KCNIP3: variants seen among roughly 807,000 people sequenced by gnomAD.
KCNIP3 encodes the protein potassium voltage-gated channel interacting protein 3, also known as calsenilin.
In KCNIP3, 28 loss-of-function variants were observed where a neutral mutation model predicts 35.0. The observed-to-expected ratio is 0.80, with a 90% CI of 0.59 to 1.10. The LOEUF is 1.10. Ranked by LOEUF, KCNIP3 falls within the 50% of genes least tolerant of loss-of-function variation. KCNIP3 has a pLI of 0.00. For missense variants in KCNIP3, 295 were observed against 338.4 expected (o/e 0.87, Z 1.01); for synonymous variants, 134 against 133.8 (o/e 1.00, Z -0.01).
intron 2 of KCNIP3, among the ~76,000 whole-genome samples, chr2:95,359,328 G>C (rs575412404): frequency 4.9e-4 from 75 of 152,290 alleles, no homozygotes; most frequent in Middle Eastern, 6.8e-3. Context: ...GACAGTTGTG[G>C]GATAGACATT....
intron 1 of KCNIP3, 102 bp downstream of exon 1, chr2:95,297,555 C>A: frequency 1.1e-6 from 1 of 888,956 alleles, no homozygotes; most frequent in Non-Finnish European, 1.7e-6. Context: ...TTCTTTGACC[C>A]TTGTCCCCTC....
At chr2:95,374,184 T>C (rs1680112872) in intron 2 of KCNIP3, 112 bp from the exon 3 acceptor site, 1 of 1,353,272 alleles carries the variant, frequency 7.4e-7, no homozygotes, top group Non-Finnish European at 1.0e-6. Flanking sequence ...ATGGTAGTCA[T>C]GCAAAGAGAG....
chr2:95,324,260 C>T (rs1280679308), intron 2 of KCNIP3, among the ~76,000 whole-genome samples: 7 of 152,194 alleles, frequency 4.6e-5, no homozygotes, highest in African/African-American at 1.7e-4. Context: ...GCCTGTAATC[C>T]CAGCACTTTG....
chr2:95,325,199 G>C (rs1678705802), intron 2 of KCNIP3, among the ~76,000 whole-genome samples: 1 of 152,208 alleles, frequency 6.6e-6, no homozygotes. Context: ...GGCCCTCCCA[G>C]AGAGGGAAGG....
At chr2:95,300,632 G>A (rs569409714) in intron 1 of KCNIP3, among the ~76,000 whole-genome samples, 13 of 152,316 alleles carry the variant, frequency 8.5e-5, no homozygotes, top group South Asian at 2.1e-4. Flanking sequence ...CAGGGCTCCC[G>A]GCCTCAGCTG....
intron 2 of KCNIP3, among the ~76,000 whole-genome samples, chr2:95,319,313 C>T (rs1344538169): frequency 6.6e-6 from 1 of 152,168 alleles, no homozygotes; most frequent in Non-Finnish European, 1.5e-5. Flanking sequence ...GCCCAGGGTT[C>T]CTGGGCCTTC....
chr2:95,356,331 G>C (rs551766605), intron 2 of KCNIP3, among the ~76,000 whole-genome samples: 4 of 152,064 alleles, frequency 2.6e-5, no homozygotes, highest in African/African-American at 9.7e-5. Flanking sequence ...TTATTTTGTC[G>C]TGCAGAAGCT....
At chr2:95,357,020 G>A (rs1044980474) in intron 2 of KCNIP3, among the ~76,000 whole-genome samples, 11 of 152,188 alleles carry the variant, frequency 7.2e-5, no homozygotes, top group African/African-American at 2.7e-4. Context: ...CGCCGGCGTG[G>A]GTGGCCTCTG....
intron 1 of KCNIP3, among the ~76,000 whole-genome samples, chr2:95,309,536 G>A (rs1238663360): frequency 1.3e-5 from 2 of 151,162 alleles, no homozygotes; most frequent in Non-Finnish European, 2.9e-5. Flanking sequence ...CAATTCTCCT[G>A]CTTCAACCTC....
chr2:95,382,794 G>C lies in KCNIP3; in HGVS notation c.660+313G>C, dbSNP rs550120405. On this transcript the variant is annotated intron_variant, in intron 7 of 8. Transcript: ENST00000295225. The surrounding 1 kb of genome is among the most constrained non-coding windows in gnomAD (Gnocchi z 4.5). ...AGACGCTCTGGGAGAGGAGCAGGTT[G>C]GGGGCCTTCACCTGTATGCATGGCG... 4.7e-4 allele frequency among the ~76,000 whole-genome samples: 71 copies of C among 152,334 alleles called. No individual in the cohort carries two copies. Among genetic ancestry groups the C allele is most frequent in the Middle Eastern group, 3.4e-3 (1 of 294 alleles).
At chr2:95,362,744 C>T (rs1371180116) in intron 2 of KCNIP3, among the ~76,000 whole-genome samples, 10 of 152,272 alleles carry the variant, frequency 6.6e-5, no homozygotes, top group Admixed American at 3.3e-4. Flanking sequence ...GCTCACCTGC[C>T]GCCCACCTCC....
intron 1 of KCNIP3, among the ~76,000 whole-genome samples, chr2:95,301,910 G>A (rs866223334): frequency 2.6e-5 from 4 of 152,102 alleles, no homozygotes; most frequent in South Asian, 2.1e-4. Context: ...GCATGTGTAC[G>A]TGTGTGTGTA....
chr2:95,379,726 C>T lies in KCNIP3; in HGVS notation c.448-1870C>T, dbSNP rs1418848643. Among the ~76,000 whole-genome samples, 3 of 152,198 alleles carry T rather than the reference C, an allele frequency of 2.0e-5. No homozygotes were observed. The East Asian group carries it at 5.8e-4, about 29-fold the overall frequency. ...TCTCCTTCAAAGTTGGGGGTCGCTT[C>T]GTTCCCTGGGCCTCCTGCCTCAGGC... On this transcript the variant is annotated intron_variant, in intron 5 of 8. Transcript: ENST00000295225.
At chr2:95,367,452 A>G (rs1025709722) in intron 2 of KCNIP3, among the ~76,000 whole-genome samples, 2 of 152,208 alleles carry the variant, frequency 1.3e-5, no homozygotes, top group Non-Finnish European at 2.9e-5. Context: ...TCTGTGAATC[A>G]TTTTGGAGAT....
intron 2 of KCNIP3, among the ~76,000 whole-genome samples, chr2:95,326,255 CAT>C (rs1183199040): frequency 1.7e-5 from 1 of 60,226 alleles, no homozygotes; most frequent in East Asian, 2.9e-4. Context: ...AACACTCACA[CAT>C]ACACTCACAC....
intron 2 of KCNIP3, among the ~76,000 whole-genome samples, chr2:95,347,844 G>A (rs981742709): frequency 2.1e-4 from 32 of 152,202 alleles, no homozygotes; most frequent in African/African-American, 7.7e-4. Context: ...CCCTCTCCGA[G>A]GACATGGGCA....
intron 2 of KCNIP3, among the ~76,000 whole-genome samples, chr2:95,315,757 G>A (rs1304246133): frequency 6.6e-6 from 1 of 152,022 alleles, no homozygotes; most frequent in African/African-American, 2.4e-5. Flanking sequence ...CTCCTCAGAC[G>A]GCTTCGAGAC....
rs377498827 is a variant in KCNIP3, at chr2:95,338,095, C to T, written c.181+27575C>T. 1.1e-4 allele frequency among the ~76,000 whole-genome samples: 17 copies of T among 152,266 alleles called. No homozygotes were observed. The East Asian group carries it at 2.1e-3, about 19-fold the overall frequency. On this transcript the variant is annotated intron_variant, in intron 2 of 8. Transcript: ENST00000295225. Reference sequence around the variant, plus strand: ...CAGACACCAGGCAAGGCAGAGGCCCCGAGGCATCGGCACAGCCAGGGCAGG... The same window carrying T: ...CAGACACCAGGCAAGGCAGAGGCCCTGAGGCATCGGCACAGCCAGGGCAGG...
intron 1 of KCNIP3, among the ~76,000 whole-genome samples, chr2:95,309,304 G>C (rs1325160871): frequency 2.6e-5 from 4 of 152,206 alleles, no homozygotes; most frequent in Admixed American, 2.6e-4. Flanking sequence ...TGGGCAGTTT[G>C]GATGTCAGGA....
Sources: gnomAD v4.1 joint callset for allele counts (sites outside exome capture counted in the v4.1 genomes callset) on GRCh38, gnomAD v4.1.1 for gene constraint, Gnocchi (gnomAD v3.1) non-coding constraint, MANE v1.5 for transcripts, NCBI Gene and HGNC (gene_info 2026-07-23, HGNC 2026-07-21) for gene names.